Variants in TNFRSF13B observed in about 807,000 individuals in gnomAD.
TNFRSF13B encodes TNF receptor superfamily member 13B.
In TNFRSF13B, 34 loss-of-function variants were observed where a neutral mutation model predicts 24.0. The ratio of observed to expected loss-of-function variants is 1.41; its 90% confidence interval spans 1.08 to 1.88. TNFRSF13B has a LOEUF of 1.88. Among genes scored for constraint, TNFRSF13B ranks in the 40% most tolerant of loss-of-function variants. TNFRSF13B has a pLI of 0.00. For missense variants in TNFRSF13B, 415 were observed against 380.8 expected (o/e 1.09, Z -0.75); for synonymous variants, 173 against 150.3 (o/e 1.15, Z -1.10).
At position 16,940,685 on chromosome 17, in the gene TNFRSF13B, T is replaced by A; in HGVS notation, c.446-174A>T. 5.4e-6 allele frequency: 8 copies of A among 1,470,860 alleles called. No homozygotes were observed. In the South Asian group the frequency reaches 1.1e-4, roughly 20 times the overall value. 91.1% of individuals were successfully genotyped at this position (1,470,860 alleles called of 1,614,324 possible). ...GATGCTCTCTGGATCCTGGAGGAAG[T>A]TGATCCACTCCCCCATCCTGGCAGC... On this transcript the variant is annotated intron_variant, in intron 3 of 4. Coordinates refer to ENST00000261652, the MANE Select transcript of TNFRSF13B (RefSeq NM_012452.3).
chr17:16,964,939 T>C (rs1354414489), intron 1 of TNFRSF13B, among the ~76,000 whole-genome samples: 1 of 152,052 alleles, frequency 6.6e-6, no homozygotes, highest in Non-Finnish European at 1.5e-5. Context: ...CTTTTGTAGA[T>C]CTTCTCAAGG....
intron 1 of TNFRSF13B, among the ~76,000 whole-genome samples, chr17:16,960,040 T>G (rs889054068): frequency 1.6e-4 from 25 of 152,232 alleles, no homozygotes; most frequent in Middle Eastern, 6.8e-3. Context: ...CGAATATGTC[T>G]TATGTATACA....
At chr17:16,957,728 G>C (rs867839791) in intron 1 of TNFRSF13B, among the ~76,000 whole-genome samples, 4 of 151,922 alleles carry the variant, frequency 2.6e-5, no homozygotes, top group African/African-American at 9.7e-5. Context: ...ACAGTAAGCT[G>C]TCAACCAGGA....
At chr17:16,940,860 A>G (rs1337232130) in intron 3 of TNFRSF13B, 2 of 1,197,376 alleles carry the variant, frequency 1.7e-6, no homozygotes, top group Non-Finnish European at 2.1e-6. Context: ...GTCTCTGTGC[A>G]TCCTGAACTG....
At chr17:16,959,168 A>T (rs1328918919) in intron 1 of TNFRSF13B, among the ~76,000 whole-genome samples, 1 of 152,074 alleles carries the variant, frequency 6.6e-6, no homozygotes. Flanking sequence ...TCAATAACAG[A>T]AGGAAAATTG....
intron 3 of TNFRSF13B, chr17:16,940,722 G>T: frequency 6.9e-7 from 1 of 1,443,794 alleles, no homozygotes; most frequent in Non-Finnish European, 9.1e-7. Context: ...ACTTTCTAAG[G>T]CCTCAAAGCT....
intron 2 of TNFRSF13B, 48 bp from the exon 3 acceptor site, chr17:16,949,031 G>A (rs1429907526): frequency 5.6e-6 from 9 of 1,612,610 alleles, no homozygotes; most frequent in Non-Finnish European, 7.6e-6. Context: ...AGACTAGCAG[G>A]AACTCTGGGT....
intron 3 of TNFRSF13B, among the ~76,000 whole-genome samples, chr17:16,948,125 T>C (rs2087561708): frequency 6.6e-6 from 1 of 152,124 alleles, no homozygotes; most frequent in Non-Finnish European, 1.5e-5. Flanking sequence ...ATAAGTGAAA[T>C]GCTAAGTGTC....
rs1051749767 is a variant in TNFRSF13B, at chr17:16,940,136, C to T, written c.631+190G>A. ...ACCGGCACCCCACACCCACCCTTCC[C>T]GGGTGCCACTCTCCCAGTTATCTGT... On this transcript the variant is annotated intron_variant, in intron 4 of 4. Transcript: ENST00000261652. 7.0e-6 allele frequency: 10 copies of T among 1,418,838 alleles called. No individual in the cohort carries two copies. In the African/African-American group the frequency reaches 1.0e-4, roughly 14 times the overall value. The allele number at this position is 1,418,838 out of a possible 1,614,324, so 87.9% of individuals were successfully genotyped here.
At chr17:16,967,778 A>G (rs1352377235) in intron 1 of TNFRSF13B, among the ~76,000 whole-genome samples, 2 of 145,856 alleles carry the variant, frequency 1.4e-5, no homozygotes, top group Non-Finnish European at 3.0e-5. Context: ...AAAAAGAAAG[A>G]AAGAAAAAAA....
chr17:16,948,204 G>T (rs1335623143), intron 3 of TNFRSF13B, among the ~76,000 whole-genome samples: 1 of 152,124 alleles, frequency 6.6e-6, no homozygotes, highest in African/African-American at 2.4e-5. Context: ...GGCAGAGAGA[G>T]AGGGCAAGGG....
At position 16,940,523 on chromosome 17, in the gene TNFRSF13B, C is replaced by T; in HGVS notation, c.446-12G>A. On this transcript the variant is annotated splice_polypyrimidine_tract_variant and intron_variant, in intron 3 of 4. Transcript: ENST00000261652. ...CAGCCCCGGGAGAGCTGCAAGACAG[C>T]ATGAGACCCCTCTCTGCAGTGCCTT... is the stretch of plus-strand genomic sequence containing the variant. The T allele has an allele frequency of 6.2e-7, 1 of 1,612,208 alleles. No homozygotes were observed. The highest frequency in any genetic ancestry group is 8.5e-7 in the Non-Finnish European group (1 of 1,179,724).
intron 4 of TNFRSF13B, chr17:16,940,002 A>G: frequency 3.1e-6 from 3 of 964,642 alleles, no homozygotes; most frequent in Non-Finnish European, 4.5e-6. Flanking sequence ...CTTGGCTCTC[A>G]CTTCTGTCCA....
At chr17:16,963,570 G>A (rs2087678274) in intron 1 of TNFRSF13B, among the ~76,000 whole-genome samples, 1 of 151,878 alleles carries the variant, frequency 6.6e-6, no homozygotes, top group South Asian at 2.1e-4. Flanking sequence ...GTTTTTTCGA[G>A]ACGGAGTCTG....
chr17:16,946,594 T>G (rs1202680808), intron 3 of TNFRSF13B, among the ~76,000 whole-genome samples: 1 of 148,856 alleles, frequency 6.7e-6, no homozygotes, highest in East Asian at 1.9e-4. Context: ...ATTTATTTAT[T>G]TATTTTTTTT....
Position 16,941,168 on chromosome 17 carries a change from C to G in TNFRSF13B, c.446-657G>C, listed in dbSNP as rs1158856774. ...TGGCTGCAGAGGTTCAGTACAGATG[C>G]AACTATCCCCTATCTTTTCTGAGTA... On this transcript the variant is annotated intron_variant, in intron 3 of 4. Transcript: ENST00000261652. 39 of 951,170 alleles carry G rather than the reference C, an allele frequency of 4.1e-5. 1 individual carries two copies. Among genetic ancestry groups the G allele is most frequent in the African/African-American group, 5.3e-5 (3 of 56,494 alleles). The allele number at this position is 951,170 out of a possible 1,614,324, so 58.9% of individuals were successfully genotyped here.
rs114278426 is a variant in TNFRSF13B at position 16,964,819 on chromosome 17, C to T, written c.61+7196G>A. Among the ~76,000 whole-genome samples the T allele has an allele frequency of 2.6e-3, 399 of 152,172 alleles. 1 individual carries two copies. Among genetic ancestry groups the T allele is most frequent in the African/African-American group, 9.4e-3 (390 of 41,496 alleles). ...CATGGTTCAGTGACCCAGAGTGTGC[C>T]GGAGTGAAGTGCCCGTGGTGGGGAA... On this transcript the variant is annotated intron_variant, in intron 1 of 4. Coordinates refer to ENST00000261652, the MANE Select transcript of TNFRSF13B (RefSeq NM_012452.3).
At chr17:16,949,269 C>G (rs2087572119) in intron 2 of TNFRSF13B, among the ~76,000 whole-genome samples, 2 of 152,168 alleles carry the variant, frequency 1.3e-5, no homozygotes, top group South Asian at 2.1e-4. Flanking sequence ...GGGTTATTTA[C>G]AAGTGCATTT....
At chr17:16,943,832 G>A (rs2087528313) in intron 3 of TNFRSF13B, among the ~76,000 whole-genome samples, 1 of 152,210 alleles carries the variant, frequency 6.6e-6, no homozygotes, top group African/African-American at 2.4e-5. Context: ...GCCCCACCCA[G>A]TAGGGCAGGC....
Sources: allele counts gnomAD v4.1 joint callset (sites outside exome capture counted in the v4.1 genomes callset), GRCh38; gene constraint gnomAD v4.1.1; transcripts MANE v1.5; gene names NCBI Gene and HGNC (gene_info 2026-07-23, HGNC 2026-07-21).